Variants in ME3 observed in about 807,000 individuals in gnomAD.
ME3 encodes the protein malic enzyme 3.
ME3 carries 48 observed loss-of-function variants against 68.9 expected under a neutral mutation model. The observed-to-expected ratio is 0.70, with a 90% CI of 0.55 to 0.89. The LOEUF (loss-of-function observed/expected upper bound fraction) is 0.89, where lower values mean the gene tolerates loss of function less well. ME3 is among the 40% of genes least tolerant of loss of function. The pLI, the probability that ME3 is intolerant of heterozygous loss-of-function variation, is 0.00. For synonymous variants in ME3, 320 were observed against 318.8 expected, an observed-to-expected ratio of 1.00 and a Z score of -0.04; for missense variants, 675 against 797.4, an observed-to-expected ratio of 0.85 and a Z score of 1.85.
intron 4 of ME3, among the ~76,000 whole-genome samples, chr11:86,523,136 G>A (rs1202916168): frequency 6.6e-6 from 1 of 152,162 alleles, no homozygotes; most frequent in Non-Finnish European, 1.5e-5. Flanking sequence ...TCTTTGGACT[G>A]AGGCAAGTCA....
At chr11:86,558,310 A>G (rs1008876165) in intron 3 of ME3, among the ~76,000 whole-genome samples, 1 of 152,184 alleles carries the variant, frequency 6.6e-6, no homozygotes, top group African/African-American at 2.4e-5. Flanking sequence ...AGTTGATTTC[A>G]TTGTGTAATT....
intron 2 of ME3, among the ~76,000 whole-genome samples, chr11:86,576,399 G>C (rs1220701808): frequency 1.3e-5 from 2 of 152,154 alleles, no homozygotes; most frequent in African/African-American, 4.8e-5. Flanking sequence ...GGTGGAGAGA[G>C]GAACAGTGTC....
At chr11:86,648,435 C>A (rs1393144466) in intron 2 of ME3, among the ~76,000 whole-genome samples, 2 of 149,340 alleles carry the variant, frequency 1.3e-5, no homozygotes, top group African/African-American at 4.9e-5. Context: ...CAAAAGCAAA[C>A]AAATTCAAAA....
intron 2 of ME3, among the ~76,000 whole-genome samples, chr11:86,623,854 C>T (rs767801022): frequency 2.0e-5 from 3 of 152,110 alleles, no homozygotes; most frequent in Non-Finnish European, 4.4e-5. Context: ...ATTATGAATG[C>T]CTTTTCTTAA....
chr11:86,527,748 G>A (rs867292900), intron 4 of ME3, among the ~76,000 whole-genome samples: 1 of 152,164 alleles, frequency 6.6e-6, no homozygotes, highest in Non-Finnish European at 1.5e-5. Flanking sequence ...TTCATATCCA[G>A]CCAAACTAGC....
chr11:86,438,013 G>C (rs985354201), downstream of ME3, among the ~76,000 whole-genome samples: 1 of 152,104 alleles, frequency 6.6e-6, no homozygotes, highest in African/African-American at 2.4e-5. Context: ...AACACCCTCC[G>C]TGTTGACTAG....
chr11:86,610,731 G>A (rs1387895022), intron 2 of ME3, among the ~76,000 whole-genome samples: 1 of 152,064 alleles, frequency 6.6e-6, no homozygotes, highest in Admixed American at 6.5e-5. Context: ...GGGGGGGCAG[G>A]GTCTGTGCTC....
At chr11:86,662,254 G>T (rs902354640) in intron 2 of ME3, among the ~76,000 whole-genome samples, 4 of 152,194 alleles carry the variant, frequency 2.6e-5, no homozygotes, top group Admixed American at 2.0e-4. Context: ...TCAAGACTCA[G>T]TTCTGCCACT....
intron 4 of ME3, among the ~76,000 whole-genome samples, chr11:86,544,619 A>G (rs548948510): frequency 6.6e-6 from 1 of 152,318 alleles, no homozygotes; most frequent in East Asian, 1.9e-4. Flanking sequence ...AAGAAGTCCA[A>G]TCCCTAAATA....
chr11:86,600,567 C>T (rs1416310657), intron 2 of ME3, among the ~76,000 whole-genome samples: 2 of 149,808 alleles, frequency 1.3e-5, no homozygotes, highest in African/African-American at 4.9e-5. Flanking sequence ...AACAAGGATA[C>T]CCAGGAATTG....
chr11:86,590,822 C>T (rs1203335661), intron 2 of ME3, among the ~76,000 whole-genome samples: 4 of 152,190 alleles, frequency 2.6e-5, no homozygotes, highest in Non-Finnish European at 4.4e-5. Flanking sequence ...GGACATCAAG[C>T]AGGCAAGGAT....
At chr11:86,437,638 A>G (rs1328089007), downstream of ME3, among the ~76,000 whole-genome samples, 1 of 152,170 alleles carries the variant, frequency 6.6e-6, no homozygotes, top group Non-Finnish European at 1.5e-5. Context: ...AATTTCTATC[A>G]GCAATGTTTT....
At chr11:86,487,642 A>G (rs1951774718) in intron 6 of ME3, among the ~76,000 whole-genome samples, 1 of 152,084 alleles carries the variant, frequency 6.6e-6, no homozygotes, top group African/African-American at 2.4e-5. Context: ...GGACTCTTAG[A>G]TGGTCCTCAT....
At chr11:86,581,245 T>A (rs574753383) in intron 2 of ME3, among the ~76,000 whole-genome samples, 11 of 152,332 alleles carry the variant, frequency 7.2e-5, no homozygotes, top group African/African-American at 2.6e-4. Flanking sequence ...CATGCATCCA[T>A]GTGTAATTGG....
intron 2 of ME3, among the ~76,000 whole-genome samples, chr11:86,614,530 A>G (rs541155496): frequency 5.3e-5 from 8 of 152,132 alleles, no homozygotes; most frequent in Non-Finnish European, 1.0e-4. Context: ...TGGATCAAAC[A>G]GACACCAACC....
intron 4 of ME3, among the ~76,000 whole-genome samples, chr11:86,509,429 C>T (rs1363452776): frequency 3.2e-5 from 3 of 94,360 alleles, no homozygotes; most frequent in South Asian, 3.4e-4. Context: ...CACACACACA[C>T]GCATGTGCGA....
intron 8 of ME3, among the ~76,000 whole-genome samples, chr11:86,458,628 G>T (rs74572341): frequency 0.025 from 3,781 of 152,182 alleles, 101 homozygotes; most frequent in African/African-American, 0.062. Flanking sequence ...TTAGTGAAAA[G>T]GAAGGCTTTG....
intron 2 of ME3, among the ~76,000 whole-genome samples, chr11:86,642,817 G>A (rs973740492): frequency 2.6e-5 from 4 of 152,082 alleles, no homozygotes; most frequent in Admixed American, 2.6e-4. Flanking sequence ...TTTATTAATA[G>A]TTAATTTATT....
chr11:86,525,605 G>T (rs1282167492), intron 4 of ME3, among the ~76,000 whole-genome samples: 1 of 152,114 alleles, frequency 6.6e-6, no homozygotes, highest in East Asian at 1.9e-4. Flanking sequence ...GCTCACGCCT[G>T]TAGTCCCAGC....
Sources: allele counts gnomAD v4.1 joint callset (sites outside exome capture counted in the v4.1 genomes callset), GRCh38; gene constraint gnomAD v4.1.1; transcripts MANE v1.5; gene names NCBI Gene and HGNC (gene_info 2026-07-23, HGNC 2026-07-21).